The following SLC26A5 variants were observed in gnomAD, a reference collection of about 807,000 sequenced individuals.
SLC26A5 encodes solute carrier family 26 member 5.
Under a neutral mutation model 81.0 loss-of-function variants are expected in SLC26A5, and 51 were observed. The ratio of observed to expected loss-of-function variants is 0.63; its 90% CI spans 0.50 to 0.80. SLC26A5 has a LOEUF of 0.80. Among genes scored for constraint, SLC26A5 ranks in the 30% least tolerant of loss-of-function variants. SLC26A5 has a pLI of 0.00. For missense variants in SLC26A5, 771 were observed against 905.8 expected (o/e 0.85, Z 1.91); for synonymous variants, 325 against 332.8 (o/e 0.98, Z 0.25).
intron 14 of SLC26A5, among the ~76,000 whole-genome samples, chr7:103,385,254 C>G (rs528342218): frequency 6.6e-6 from 1 of 152,054 alleles, no homozygotes; most frequent in Admixed American, 6.6e-5. Flanking sequence ...CTCCGCCTCC[C>G]CGGGTTCACA....
intron 2 of SLC26A5, among the ~76,000 whole-genome samples, chr7:103,438,249 G>A (rs2116852254): frequency 6.6e-6 from 1 of 152,198 alleles, no homozygotes; most frequent in African/African-American, 2.4e-5. Flanking sequence ...TAGTGGATAT[G>A]TTAGCTTGAT....
Position 103,354,214 on chromosome 7 carries a change from A to G in SLC26A5, c.2042-1288T>C, listed in dbSNP as rs2116145674. Among the ~76,000 whole-genome samples the G allele has an allele frequency of 1.3e-5, 2 of 152,328 alleles. 1 individual carries two copies. The highest frequency in any genetic ancestry group is 4.1e-4 in the South Asian group (2 of 4,830). ...CATGTCTCAGTTTATGTATTATTTT[A>G]ATACTATTCGTGATTAAAATGTGAT... On this transcript the variant is annotated intron_variant, in intron 19 of 19. Transcript: ENST00000339444.
intron 5 of SLC26A5, 96 bp from the exon 6 acceptor site, chr7:103,411,682 T>G: frequency 7.2e-7 from 1 of 1,385,346 alleles, no homozygotes; most frequent in Non-Finnish European, 1.0e-6. Context: ...GGTCAAGAAA[T>G]CATGCTTGAA....
intron 14 of SLC26A5, among the ~76,000 whole-genome samples, chr7:103,387,815 G>A (rs1210822809): frequency 1.3e-5 from 2 of 152,062 alleles, no homozygotes; most frequent in African/African-American, 4.8e-5. Context: ...CTAAGTAGCT[G>A]GGATTACAGG....
chr7:103,355,650 G>A, intron 19 of SLC26A5: 1 of 1,400,600 alleles, frequency 7.1e-7, no homozygotes, highest in Non-Finnish European at 1.0e-6. Flanking sequence ...ATTATAGGGT[G>A]ATGCATTACA....
At chr7:103,385,700 TTC>T (rs1222918175) in intron 14 of SLC26A5, among the ~76,000 whole-genome samples, 3,781 of 142,564 alleles carry the variant, frequency 0.027, 146 homozygotes, top group African/African-American at 0.11. Context: ...TTCTTTTCTT[TTC>T]TTTTTTTTTT....
downstream of SLC26A5, among the ~76,000 whole-genome samples, chr7:103,374,047 T>C (rs1327409792): frequency 6.6e-6 from 1 of 152,180 alleles, no homozygotes; most frequent in Non-Finnish European, 1.5e-5. Context: ...CCACTACTTA[T>C]CTGTAGATCA....
chr7:103,366,896 C>T (rs1230086112), intron 19 of SLC26A5, among the ~76,000 whole-genome samples: 1 of 152,108 alleles, frequency 6.6e-6, no homozygotes. Context: ...CCTCTGCCTC[C>T]TGGGTTCAAG....
At chr7:103,404,252 A>C (rs1823846279) in intron 8 of SLC26A5, among the ~76,000 whole-genome samples, 2 of 151,804 alleles carry the variant, frequency 1.3e-5, no homozygotes, top group South Asian at 4.1e-4. Flanking sequence ...TATTTTGCCC[A>C]TTAGTTGATG....
At chr7:103,384,046 C>A (rs1821997575) in intron 14 of SLC26A5, among the ~76,000 whole-genome samples, 1 of 151,826 alleles carries the variant, frequency 6.6e-6, no homozygotes, top group African/African-American at 2.4e-5. Flanking sequence ...TGGGAGGATC[C>A]TTTGAGCCCA....
intron 8 of SLC26A5, 115 bp downstream of exon 8, chr7:103,407,736 T>C: frequency 8.2e-7 from 1 of 1,217,726 alleles, no homozygotes; most frequent in South Asian, 1.4e-5. Context: ...AATTGTAACC[T>C]TCTTTTGGCA....
At chr7:103,430,825 C>T (rs1826026773) in intron 2 of SLC26A5, among the ~76,000 whole-genome samples, 1 of 152,178 alleles carries the variant, frequency 6.6e-6, no homozygotes, top group African/African-American at 2.4e-5. Context: ...AGGCAGGATG[C>T]AGGTTCCAAT....
chr7:103,421,412 TTG>T lies in SLC26A5; in HGVS notation c.101_102del (p.Thr34LysfsTer6). 6.2e-7 allele frequency: 1 copy of T among 1,614,092 alleles called. No homozygotes were observed. Among genetic ancestry groups the T allele is most frequent in the African/African-American group, 1.3e-5 (1 of 75,040 alleles). On this transcript the variant is annotated frameshift_variant, in exon 3 of 20. Transcript: ENST00000306312. LOFTEE classifies it high-confidence loss of function. ...GCAATGGAATCAGGAACCTTGTCCT[TTG>T]TGTGTAGTCTTTCCTGGAGGACCGG... The part of the protein sequence containing the change: ...SHPVLQERLH[T>X]KDKVPDSIAD...
downstream of SLC26A5, among the ~76,000 whole-genome samples, chr7:103,370,576 T>C (rs1357180413): frequency 4.6e-5 from 7 of 152,172 alleles, no homozygotes; most frequent in Admixed American, 4.6e-4. Flanking sequence ...AGAGTGGATG[T>C]TTTAGATGTT....
chr7:103,355,940 AT>A, intron 19 of SLC26A5: 1 of 539,758 alleles, frequency 1.9e-6, no homozygotes, highest in Non-Finnish European at 3.2e-6. Flanking sequence ...TGGGGTTAAA[AT>A]TTTATGCCTT....
chr7:103,406,463 G>T (rs1246656695), intron 8 of SLC26A5, among the ~76,000 whole-genome samples: 1 of 152,160 alleles, frequency 6.6e-6, no homozygotes, highest in Non-Finnish European at 1.5e-5. Context: ...CGCTTCCTGG[G>T]TGAAGTGATG....
chr7:103,433,645 A>G (rs1026296825), intron 2 of SLC26A5: 1 of 151,952 alleles, frequency 6.6e-6, no homozygotes, highest in Non-Finnish European at 1.5e-5. Flanking sequence ...AATTCTTCTT[A>G]AAGTCATTCT....
chr7:103,434,264 C>A (rs1037075990), intron 2 of SLC26A5, among the ~76,000 whole-genome samples: 3 of 152,124 alleles, frequency 2.0e-5, no homozygotes, highest in Non-Finnish European at 4.4e-5. Flanking sequence ...AGTTCAAAAT[C>A]ATTTTTCCTT....
chr7:103,431,071 C>A (rs1415471233), intron 2 of SLC26A5, among the ~76,000 whole-genome samples: 1 of 152,146 alleles, frequency 6.6e-6, no homozygotes, highest in Non-Finnish European at 1.5e-5. Context: ...TTAGAATTTT[C>A]TTTGAGGTAA....
Sources: gnomAD v4.1 joint callset for allele counts (sites outside exome capture counted in the v4.1 genomes callset) on GRCh38, gnomAD v4.1.1 for gene constraint, MANE v1.5 for transcripts, NCBI Gene and HGNC (gene_info 2026-07-23, HGNC 2026-07-21) for gene names.